Variants in MACROD2 observed in about 807,000 individuals in gnomAD.
MACROD2 encodes the protein ADP-ribose glycohydrolase MACROD2.
A neutral mutation model predicts 70.4 loss-of-function variants in MACROD2; 36 were observed. That is an observed-to-expected ratio of 0.51 (90% CI 0.39 to 0.68). MACROD2 has a LOEUF of 0.68. Ranked by LOEUF, MACROD2 falls within the 30% of genes least tolerant of loss-of-function variation. MACROD2 has a pLI of 0.00. For synonymous variants in MACROD2, 172 were observed against 178.8 expected (o/e 0.96, Z 0.30); for missense variants, 496 against 538.4 (o/e 0.92, Z 0.78).
intron 7 of MACROD2, among the ~76,000 whole-genome samples, chr20:15,452,870 G>C (rs1197341850): frequency 6.6e-6 from 1 of 152,086 alleles, no homozygotes; most frequent in Non-Finnish European, 1.5e-5. Flanking sequence ...TTAAAATGTT[G>C]GCTTTCATAA....
chr20:15,386,910 C>T (rs1250986355), intron 6 of MACROD2, among the ~76,000 whole-genome samples: 2 of 152,194 alleles, frequency 1.3e-5, no homozygotes, highest in African/African-American at 4.8e-5. Context: ...TGGCTGACTC[C>T]TCTGTGATCC....
intron 6 of MACROD2, among the ~76,000 whole-genome samples, chr20:15,331,266 T>C (rs80194628): frequency 0.28 from 42,403 of 151,588 alleles, 7,197 homozygotes; most frequent in Non-Finnish European, 0.39. Context: ...TATAAAGAAT[T>C]CTTTTTACCC....
chr20:14,204,021 C>T (rs2081502419), intron 3 of MACROD2, among the ~76,000 whole-genome samples: 1 of 152,144 alleles, frequency 6.6e-6, no homozygotes, highest in African/African-American at 2.4e-5. Context: ...ACCCTTGGGC[C>T]CCTGAGTGGT....
At chr20:14,909,368 A>C (rs999868552) in intron 5 of MACROD2, among the ~76,000 whole-genome samples, 1 of 152,138 alleles carries the variant, frequency 6.6e-6, no homozygotes, top group Non-Finnish European at 1.5e-5. Flanking sequence ...GGATGTTATT[A>C]GGTCACAAAG....
chr20:14,153,148 C>T (rs1404331419), intron 3 of MACROD2, among the ~76,000 whole-genome samples: 1 of 152,028 alleles, frequency 6.6e-6, no homozygotes, highest in Non-Finnish European at 1.5e-5. Context: ...TTGGTGCCAG[C>T]ATAGTGTTTG....
intron 5 of MACROD2, among the ~76,000 whole-genome samples, chr20:14,828,995 G>A (rs371438537): frequency 6.1e-5 from 9 of 147,706 alleles, no homozygotes; most frequent in African/African-American, 2.0e-4. Context: ...AAAGGTAAAC[G>A]TGTGCCATGG....
chr20:15,337,325 G>A (rs1327021800), intron 6 of MACROD2, among the ~76,000 whole-genome samples: 1 of 151,586 alleles, frequency 6.6e-6, no homozygotes, highest in Non-Finnish European at 1.5e-5. Flanking sequence ...AGAGTCTAGG[G>A]CAAAAGGCTA....
At chr20:15,446,979 G>C (rs1229999509) in intron 7 of MACROD2, among the ~76,000 whole-genome samples, 1 of 151,854 alleles carries the variant, frequency 6.6e-6, no homozygotes, top group African/African-American at 2.4e-5. Context: ...AAAAATACTT[G>C]ACTTGAAAGA....
rs143494779 is a variant in MACROD2 at position 16,038,915 on chromosome 20, G to A, written c.1154-2286G>A. On this transcript the variant is annotated intron_variant, in intron 15 of 17. Coordinates refer to ENST00000684519, the MANE Select transcript of MACROD2 (RefSeq NM_001351661.2). ...GTATTAATTAAAAGTTAGACTTCAG[G>A]TTTTTTTAAAGAGATGGTCTATTTC... 4.1e-3 allele frequency among the ~76,000 whole-genome samples: 619 copies of A among 151,970 alleles called. 5 individuals are homozygous for A. The highest frequency in any genetic ancestry group is 0.013 in the African/African-American group (527 of 41,470).
At chr20:14,539,798 T>C (rs2085408933) in intron 4 of MACROD2, among the ~76,000 whole-genome samples, 2 of 152,242 alleles carry the variant, frequency 1.3e-5, no homozygotes, top group Admixed American at 6.5e-5. Context: ...AGGTCTTGCT[T>C]TGTACACAAA....
At position 15,762,356 on chromosome 20, in the gene MACROD2, G is replaced by C. The variant is rs183885888; in HGVS notation, c.646-100389G>C. Among the ~76,000 whole-genome samples the C allele has an allele frequency of 2.0e-5, 3 of 152,146 alleles. No individual in the cohort carries two copies. The East Asian group carries it at 5.8e-4, about 29-fold the overall frequency. On this transcript the variant is annotated intron_variant, in intron 8 of 17. Coordinates refer to ENST00000684519, the MANE Select transcript of MACROD2 (RefSeq NM_001351661.2). ...TAAGCATTTGAACTCAGGTCTGTCT[G>C]CCCTCAATTCCATGTTTTTAGACCT... is the stretch of plus-strand genomic sequence containing the variant.
At chr20:14,057,400 ACTC>A (rs1221136423) in intron 2 of MACROD2, among the ~76,000 whole-genome samples, 3 of 152,170 alleles carry the variant, frequency 2.0e-5, no homozygotes, top group Non-Finnish European at 4.4e-5. Flanking sequence ...TACTATGTAA[ACTC>A]CTACATCAGT....
chr20:14,595,573 A>G (rs1982072224), intron 4 of MACROD2, among the ~76,000 whole-genome samples: 1 of 152,104 alleles, frequency 6.6e-6, no homozygotes, highest in South Asian at 2.1e-4. Context: ...TAACCCCTCC[A>G]TATTTGGTTA....
intron 3 of MACROD2, among the ~76,000 whole-genome samples, chr20:14,317,060 G>A (rs2082617883): frequency 6.6e-6 from 1 of 152,282 alleles, no homozygotes; most frequent in African/African-American, 2.4e-5. Flanking sequence ...TGATCACTGA[G>A]TGTAAGTCAC....
intron 4 of MACROD2, among the ~76,000 whole-genome samples, chr20:14,521,679 A>G (rs1230000979): frequency 7.2e-5 from 11 of 152,144 alleles, no homozygotes; most frequent in Admixed American, 4.6e-4. Flanking sequence ...AACTTTAGTC[A>G]TAGTTCTTTT....
intron 5 of MACROD2, among the ~76,000 whole-genome samples, chr20:15,153,244 A>G (rs6135353): frequency 0.061 from 9,222 of 152,112 alleles, 428 homozygotes; most frequent in East Asian, 0.25. Flanking sequence ...CTGAGTCTGA[A>G]AAGAGAGTCA....
intron 6 of MACROD2, among the ~76,000 whole-genome samples, chr20:15,404,650 G>T (rs1418550566): frequency 6.6e-6 from 1 of 152,152 alleles, no homozygotes; most frequent in Non-Finnish European, 1.5e-5. Flanking sequence ...TACCTCCCCT[G>T]TTATCTACCC....
At chr20:14,449,249 G>A (rs74592666) in intron 3 of MACROD2, among the ~76,000 whole-genome samples, 2,329 of 152,170 alleles carry the variant, frequency 0.015, 65 homozygotes, top group African/African-American at 0.053. Flanking sequence ...TTAAACCAGA[G>A]AAATGAATAG....
chr20:15,755,659 A>G (rs985935149), intron 8 of MACROD2, among the ~76,000 whole-genome samples: 2 of 152,150 alleles, frequency 1.3e-5, no homozygotes, highest in African/African-American at 4.8e-5. Context: ...TTTCTCTATT[A>G]AACTGGAAGA....
Sources: gnomAD v4.1 joint callset for allele counts (sites outside exome capture counted in the v4.1 genomes callset) on GRCh38, gnomAD v4.1.1 for gene constraint, MANE v1.5 for transcripts, NCBI Gene and HGNC (gene_info 2026-07-23, HGNC 2026-07-21) for gene names.